Variants in CCDC171 observed in about 807,000 individuals in gnomAD.
CCDC171 encodes the protein coiled-coil domain containing 171.
In CCDC171, 177 loss-of-function variants were observed where a neutral mutation model predicts 168.2. The ratio of observed to expected loss-of-function variants is 1.05; its 90% CI spans 0.93 to 1.19. The LOEUF (loss-of-function observed/expected upper bound fraction) is 1.19, where lower values mean the gene tolerates loss of function less well. Ranked by LOEUF, CCDC171 falls within the 50% of genes most tolerant of loss-of-function variation. The probability of loss-of-function intolerance (pLI) is 0.00; values close to 1 mark genes in which losing one functional copy is unlikely to be tolerated. For synonymous variants in CCDC171, 687 were observed against 540.8 expected, an observed-to-expected ratio of 1.27 and a Z score of -3.75; for missense variants, 1,991 against 1,539.0, an observed-to-expected ratio of 1.29 and a Z score of -4.91.
intron 25 of CCDC171, among the ~76,000 whole-genome samples, chr9:15,968,494 A>T (rs1831018771): frequency 6.6e-6 from 1 of 151,230 alleles, no homozygotes; most frequent in African/African-American, 2.4e-5. Context: ...TTGTATTTTA[A>T]CATCACATTC....
At chr9:15,622,779 A>G (rs2044604904) in intron 6 of CCDC171, among the ~76,000 whole-genome samples, 1 of 152,220 alleles carries the variant, frequency 6.6e-6, no homozygotes, top group African/African-American at 2.4e-5. Flanking sequence ...CCAAGAGGAA[A>G]TGAAACACAG....
At chr9:15,610,469 A>AAAAAAAAAAAAAAAAAAAAAAAC (rs1432453522) in intron 6 of CCDC171, among the ~76,000 whole-genome samples, 3 of 136,272 alleles carry the variant, frequency 2.2e-5, no homozygotes, top group Non-Finnish European at 4.8e-5. Flanking sequence ...AAAAAAAAAA[A>AAAAAAAAAAAAAAAAAAAAAAAC]AAAAAAAAAA....
At chr9:15,859,343 CT>C (rs918593620) in intron 23 of CCDC171, among the ~76,000 whole-genome samples, 4 of 151,182 alleles carry the variant, frequency 2.6e-5, no homozygotes, top group African/African-American at 7.3e-5. Flanking sequence ...TGGCCTGTAG[CT>C]TTTTTTTTCT....
intron 18 of CCDC171, among the ~76,000 whole-genome samples, chr9:15,769,642 A>G (rs2056908709): frequency 6.6e-6 from 1 of 152,206 alleles, no homozygotes. Context: ...ACTAATCAGT[A>G]ATCATGAGAG....
intron 7 of CCDC171, chr9:16,035,579 C>G (rs1175090208): frequency 1.3e-5 from 2 of 152,176 alleles, no homozygotes; most frequent in Non-Finnish European, 2.9e-5. Context: ...ATGATGATTT[C>G]TAAAAGAGAT....
chr9:15,901,813 T>C (rs1821706988), intron 24 of CCDC171, among the ~76,000 whole-genome samples: 3 of 152,182 alleles, frequency 2.0e-5, no homozygotes, highest in East Asian at 3.8e-4. Flanking sequence ...TTATTTACTT[T>C]TGTGTTTCAA....
chr9:15,595,056 C>A (rs1393910924), intron 6 of CCDC171, among the ~76,000 whole-genome samples: 2 of 151,924 alleles, frequency 1.3e-5, no homozygotes, highest in East Asian at 3.9e-4. Flanking sequence ...GAAAAATATC[C>A]ACATATAATA....
At chr9:15,777,011 A>G (rs2057363392) in intron 18 of CCDC171, among the ~76,000 whole-genome samples, 13 of 152,244 alleles carry the variant, frequency 8.5e-5, no homozygotes, top group Admixed American at 8.5e-4. Context: ...ATTATCTGGA[A>G]TACCAATTAG....
At chr9:16,043,649 C>T (rs1303304317) in intron 1 of CCDC171, among the ~76,000 whole-genome samples, 1 of 152,200 alleles carries the variant, frequency 6.6e-6, no homozygotes, top group African/African-American at 2.4e-5. Context: ...TGAGGAGAGA[C>T]TAGTAAGTCC....
intron 21 of CCDC171, among the ~76,000 whole-genome samples, chr9:15,845,206 T>C (rs1464193915): frequency 6.6e-6 from 1 of 152,050 alleles, no homozygotes; most frequent in African/African-American, 2.4e-5. Flanking sequence ...GGCACAAAAT[T>C]AGTAGGTTTA....
intron 25 of CCDC171, among the ~76,000 whole-genome samples, chr9:15,937,850 T>C (rs1476346612): frequency 1.3e-5 from 2 of 151,944 alleles, no homozygotes; most frequent in East Asian, 1.9e-4. Context: ...TTTAACTCTG[T>C]CACTGTGAAT....
chr9:16,085,525 C>T, the CCDC171 span, among the ~76,000 whole-genome samples: 1 of 152,206 alleles, frequency 6.6e-6, no homozygotes, highest in Non-Finnish European at 1.5e-5. Context: ...TGACTGAACA[C>T]AGGTCTGCCA....
chr9:15,655,021 G>T lies in CCDC171; in HGVS notation c.823-2106G>T, dbSNP rs151110638. Among the ~76,000 whole-genome samples the T allele has an allele frequency of 1.2e-4, 18 of 152,210 alleles. 1 individual carries two copies. The highest frequency in any genetic ancestry group is 3.9e-4 in the African/African-American group (16 of 41,528). On this transcript the variant is annotated intron_variant, in intron 7 of 25. Coordinates refer to ENST00000380701, the MANE Select transcript of CCDC171 (RefSeq NM_173550.4). ...CACAGGAAGGGGAACATCACACACCGGAGCCTGTTGTGGGGTCGGGGGAGC... is the reference window on the plus strand; with the variant it reads ...CACAGGAAGGGGAACATCACACACCTGAGCCTGTTGTGGGGTCGGGGGAGC...
At chr9:16,089,825 C>T in the CCDC171 span, among the ~76,000 whole-genome samples, 1 of 151,926 alleles carries the variant, frequency 6.6e-6, no homozygotes, top group Non-Finnish European at 1.5e-5. Flanking sequence ...TGAAAAAAAG[C>T]TTAACACCAC....
intron 24 of CCDC171, among the ~76,000 whole-genome samples, chr9:15,882,749 C>G (rs565475385): frequency 5.6e-4 from 85 of 151,860 alleles, no homozygotes; most frequent in African/African-American, 1.9e-3. Flanking sequence ...CTTTGCGTAT[C>G]AGCTATTACT....
chr9:15,773,310 A>T (rs1235298348), intron 18 of CCDC171, among the ~76,000 whole-genome samples: 1 of 152,186 alleles, frequency 6.6e-6, no homozygotes, highest in African/African-American at 2.4e-5. Context: ...CACAATGGTT[A>T]CTGCAGCTAA....
rs111323183 is a variant in CCDC171, at chr9:16,011,502, A to G, written n.369-9087A>G. On this transcript the variant is annotated intron_variant and non_coding_transcript_variant, in intron 3 of 9. Transcript: ENST00000486641. ...ACAATTTTTTTGAAAAATGACAGGC[A>G]AAATGGTCTTTTCTGTTGTTAGGAG... Among the ~76,000 whole-genome samples, 437 of 152,328 alleles carry G rather than the reference A, an allele frequency of 2.9e-3. 3 individuals carry two copies. Among genetic ancestry groups the G allele is most frequent in the African/African-American group, 9.8e-3 (408 of 41,566 alleles).
chr9:15,755,332 G>A (rs1354685099), intron 18 of CCDC171, among the ~76,000 whole-genome samples: 3 of 152,188 alleles, frequency 2.0e-5, no homozygotes, highest in African/African-American at 4.8e-5. Context: ...TGGTAGGAAT[G>A]AAAAGGATAC....
chr9:15,638,248 T>C (rs1017165675), intron 7 of CCDC171, among the ~76,000 whole-genome samples: 1 of 152,222 alleles, frequency 6.6e-6, no homozygotes, highest in African/African-American at 2.4e-5. Context: ...ATTTAGATTC[T>C]TTTTAAAAGC....
Sources: gnomAD v4.1 joint callset for allele counts (sites outside exome capture counted in the v4.1 genomes callset) on GRCh38, gnomAD v4.1.1 for gene constraint, MANE v1.5 for transcripts, NCBI Gene and HGNC (gene_info 2026-07-23, HGNC 2026-07-21) for gene names.